MTRES1: variants seen among roughly 807,000 people sequenced by gnomAD.
The protein encoded by MTRES1 is uncharacterized protein C6orf203.
Under a neutral mutation model 17.4 loss-of-function variants are expected in MTRES1, and 11 were observed. That is an observed-to-expected ratio of 0.63 (90% CI 0.40 to 1.05). The LOEUF (loss-of-function observed/expected upper bound fraction) is 1.05. Ranked by LOEUF, MTRES1 falls within the 50% of genes least tolerant of loss-of-function variation. MTRES1 has a pLI of 0.00. For synonymous variants in MTRES1, 94 were observed against 99.6 expected, an observed-to-expected ratio of 0.94 and a Z score of 0.34; for missense variants, 268 against 276.2, an observed-to-expected ratio of 0.97 and a Z score of 0.21.
rs782574214 is a variant in MTRES1 at position 107,028,267 on chromosome 6, T to A, written c.-17T>A. On this transcript the variant is annotated 5_prime_UTR_variant, in exon 1 of 4. Coordinates refer to ENST00000311381, the MANE Select transcript of MTRES1 (RefSeq NM_016487.5). Reference sequence around the variant, plus strand: ...CGGGGAGGGACGAGAGGGCCTGACGTACAGGTGAGTGCGCCTCTGCTGGCG... The same window carrying A: ...CGGGGAGGGACGAGAGGGCCTGACGAACAGGTGAGTGCGCCTCTGCTGGCG... The A allele has an allele frequency of 6.6e-6, 1 of 151,962 alleles. No homozygotes were observed. Among genetic ancestry groups the A allele is most frequent in the Non-Finnish European group, 1.5e-5 (1 of 68,020 alleles). 9.4% of individuals were successfully genotyped at this position (151,962 alleles called of 1,614,324 possible).
chr6:107,045,499 AT>A (rs1562284586), intron 3 of MTRES1, among the ~76,000 whole-genome samples: 1 of 145,586 alleles, frequency 6.9e-6, no homozygotes, highest in African/African-American at 2.5e-5. Context: ...AAAAAAAAAA[AT>A]TCTGTTAGAA....
At chr6:107,047,029 C>G (rs1774418521) in intron 3 of MTRES1, among the ~76,000 whole-genome samples, 1 of 151,436 alleles carries the variant, frequency 6.6e-6, no homozygotes, top group Admixed American at 6.6e-5. Context: ...GTCTCGATCT[C>G]CTGACCTTGT....
intron 1 of MTRES1, among the ~76,000 whole-genome samples, chr6:107,038,218 T>G (rs1774074375): frequency 6.6e-6 from 1 of 152,154 alleles, no homozygotes; most frequent in African/African-American, 2.4e-5. Flanking sequence ...GCTAGCTCCA[T>G]GTTTTTGAGT....
chr6:107,035,403 A>G (rs1043954776), intron 1 of MTRES1, among the ~76,000 whole-genome samples: 16 of 152,110 alleles, frequency 1.1e-4, no homozygotes, highest in Non-Finnish European at 1.6e-4. Flanking sequence ...TGCTGGGATT[A>G]CAGGCATGAG....
intron 3 of MTRES1, among the ~76,000 whole-genome samples, chr6:107,049,500 G>A (rs1395042312): frequency 1.5e-5 from 2 of 136,984 alleles, no homozygotes; most frequent in East Asian, 2.4e-4. Flanking sequence ...TGCAAGCTCC[G>A]CCTCCCGGAT....
At chr6:107,036,340 T>A (rs1554226933) in intron 1 of MTRES1, among the ~76,000 whole-genome samples, 3 of 151,736 alleles carry the variant, frequency 2.0e-5, no homozygotes, top group Non-Finnish European at 1.5e-5. Context: ...GGTCAGGAGT[T>A]CCAGACGAGC....
chr6:107,050,861 G>A (rs558592596), intron 3 of MTRES1, among the ~76,000 whole-genome samples, 196 bp from the exon 4 acceptor site: 29 of 152,248 alleles, frequency 1.9e-4, no homozygotes, highest in Non-Finnish European at 4.1e-4. Context: ...ACAGGCGTGA[G>A]CCACCGCACC....
chr6:107,044,944 C>T (rs548694560), intron 3 of MTRES1, among the ~76,000 whole-genome samples: 1 of 152,302 alleles, frequency 6.6e-6, no homozygotes, highest in Admixed American at 6.5e-5. Context: ...AATCCCAGCA[C>T]TTTGGGAGCT....
At chr6:107,046,588 T>C (rs1473774729) in intron 3 of MTRES1, among the ~76,000 whole-genome samples, 1 of 152,172 alleles carries the variant, frequency 6.6e-6, no homozygotes, top group Non-Finnish European at 1.5e-5. Flanking sequence ...TTGTGTCTGC[T>C]GAGGGACAGG....
At chr6:107,043,402 G>C (rs1774286119) in intron 2 of MTRES1, among the ~76,000 whole-genome samples, 1 of 151,856 alleles carries the variant, frequency 6.6e-6, no homozygotes, top group Non-Finnish European at 1.5e-5. Flanking sequence ...TGAACAGTGT[G>C]GGGGTTAGGG....
chr6:107,031,992 G>C (rs1021018653), intron 1 of MTRES1, among the ~76,000 whole-genome samples: 1 of 152,124 alleles, frequency 6.6e-6, no homozygotes, highest in African/African-American at 2.4e-5. Flanking sequence ...GAAGAGAGGC[G>C]TGATCGGTTT....
Position 107,035,388 on chromosome 6 carries a change from C to A in MTRES1, c.-12-4361C>A, listed in dbSNP as rs1052764344. Among the ~76,000 whole-genome samples the A allele has an allele frequency of 1.1e-4, 16 of 152,220 alleles. No homozygotes were observed. In the East Asian group the frequency reaches 3.1e-3, roughly 30 times the overall value. Reference sequence around the variant, plus strand: ...AGGTCATCAGTCCACCTCAGCCTCCCAAAGTGCTGGGATTACAGGCATGAG... The same window carrying A: ...AGGTCATCAGTCCACCTCAGCCTCCAAAAGTGCTGGGATTACAGGCATGAG... On this transcript the variant is annotated intron_variant, in intron 1 of 3. Coordinates refer to ENST00000311381, the MANE Select transcript of MTRES1 (RefSeq NM_016487.5).
intron 3 of MTRES1, among the ~76,000 whole-genome samples, chr6:107,046,208 C>T (rs1363767900): frequency 6.6e-6 from 1 of 152,158 alleles, no homozygotes; most frequent in Non-Finnish European, 1.5e-5. Context: ...TGCCCTCCTT[C>T]TAAGCTGCAG....
At chr6:107,047,612 C>T (rs1554228569) in intron 3 of MTRES1, among the ~76,000 whole-genome samples, 1 of 152,118 alleles carries the variant, frequency 6.6e-6, no homozygotes, top group African/African-American at 2.4e-5. Flanking sequence ...AGGCCGGGCA[C>T]AGTGGCTCAC....
chr6:107,030,984 A>G (rs1340062428), intron 1 of MTRES1, among the ~76,000 whole-genome samples: 4 of 152,208 alleles, frequency 2.6e-5, no homozygotes, highest in Non-Finnish European at 5.9e-5. Flanking sequence ...TTGATAATGC[A>G]TTTGTAAGAA....
chr6:107,031,385 C>CAAAAA (rs782379041), intron 1 of MTRES1, among the ~76,000 whole-genome samples: 2 of 97,638 alleles, frequency 2.0e-5, no homozygotes, highest in East Asian at 3.2e-4. Context: ...GACCCTGTCT[C>CAAAAA]AAAAAAAAAA....
chr6:107,036,925 G>A (rs1774030911), intron 1 of MTRES1, among the ~76,000 whole-genome samples: 1 of 151,562 alleles, frequency 6.6e-6, no homozygotes, highest in Non-Finnish European at 1.5e-5. Context: ...CTTTCTTGGA[G>A]TCCACCATGA....
chr6:107,042,609 G>A (rs1774257073), intron 2 of MTRES1, among the ~76,000 whole-genome samples: 1 of 152,176 alleles, frequency 6.6e-6, no homozygotes, highest in African/African-American at 2.4e-5. Context: ...AGTTCAGAGA[G>A]ATCAGCAGCT....
intron 1 of MTRES1, among the ~76,000 whole-genome samples, chr6:107,036,209 A>G (rs1272007304): frequency 2.0e-5 from 3 of 152,128 alleles, no homozygotes; most frequent in South Asian, 2.1e-4. Context: ...ATAAATGACA[A>G]TAGTTGATTT....
Sources: allele counts gnomAD v4.1 joint callset (sites outside exome capture counted in the v4.1 genomes callset), GRCh38; gene constraint gnomAD v4.1.1; transcripts MANE v1.5; gene names NCBI Gene and HGNC (gene_info 2026-07-23, HGNC 2026-07-21).